The following IQCM variants were observed in gnomAD, a reference collection of about 807,000 sequenced individuals.
IQCM encodes the protein IQ domain-containing protein M.
Under a neutral mutation model 57.6 loss-of-function variants are expected in IQCM, and 45 were observed. The observed-to-expected ratio is 0.78, with a 90% confidence interval of 0.62 to 1.00. The LOEUF is 1.00. IQCM is among the 50% of genes least tolerant of loss of function. IQCM has a pLI of 0.00. For synonymous variants in IQCM, 148 were observed against 158.9 expected (o/e 0.93, Z 0.51); for missense variants, 468 against 511.6 (o/e 0.91, Z 0.82).
At chr4:149,515,429 A>C (rs901889251) in intron 12 of IQCM, among the ~76,000 whole-genome samples, 9 of 152,138 alleles carry the variant, frequency 5.9e-5, no homozygotes, top group African/African-American at 2.2e-4. Context: ...TTACATGAGG[A>C]AGTGGCTCAA....
intron 11 of IQCM, among the ~76,000 whole-genome samples, chr4:149,550,365 T>C (rs1342598567): frequency 6.6e-6 from 1 of 152,214 alleles, no homozygotes; most frequent in East Asian, 1.9e-4. Flanking sequence ...AGCAAATTAG[T>C]TGTACTTGAA....
intron 2 of IQCM, among the ~76,000 whole-genome samples, chr4:149,745,678 A>G (rs2149919189): frequency 6.6e-6 from 1 of 152,316 alleles, no homozygotes; most frequent in African/African-American, 2.4e-5. Context: ...TAGATGACTG[A>G]TAAGACTTTA....
intron 6 of IQCM, 128 bp downstream of exon 6, chr4:149,686,250 A>G (rs1762539498): frequency 4.8e-6 from 2 of 416,348 alleles, no homozygotes; most frequent in Admixed American, 4.5e-5. Flanking sequence ...ACTCAAGCGG[A>G]ACAATAAATT....
chr4:149,729,461 GTTTT>G (rs34484810), intron 5 of IQCM, among the ~76,000 whole-genome samples: 1 of 144,570 alleles, frequency 6.9e-6, no homozygotes, highest in Non-Finnish European at 1.6e-5. Flanking sequence ...TTTTTTTGTT[GTTTT>G]TTTTTTTGTT....
At chr4:149,622,292 G>A (rs752505406) in intron 7 of IQCM, among the ~76,000 whole-genome samples, 1 of 151,560 alleles carries the variant, frequency 6.6e-6, no homozygotes, top group Non-Finnish European at 1.5e-5. Context: ...TCTAGAAGAG[G>A]CAACACAATC....
intron 2 of IQCM, among the ~76,000 whole-genome samples, chr4:149,805,209 G>A (rs1215280036): frequency 6.6e-6 from 1 of 151,972 alleles, no homozygotes; most frequent in African/African-American, 2.4e-5. Flanking sequence ...CTCTTGCTAT[G>A]TAGTTTTTAA....
intron 9 of IQCM, among the ~76,000 whole-genome samples, chr4:149,573,358 C>G (rs1381660632): frequency 6.6e-6 from 1 of 151,656 alleles, no homozygotes; most frequent in African/African-American, 2.4e-5. Context: ...CCAAGGAACT[C>G]CTCTTCAAGA....
At chr4:149,414,336 A>T (rs927112350) in intron 13 of IQCM, among the ~76,000 whole-genome samples, 2 of 152,158 alleles carry the variant, frequency 1.3e-5, no homozygotes, top group African/African-American at 4.8e-5. Context: ...CCCAAAACCG[A>T]TGCCTCAAAT....
chr4:149,419,803 C>T (rs750930207), intron 13 of IQCM, among the ~76,000 whole-genome samples: 1 of 151,818 alleles, frequency 6.6e-6, no homozygotes, highest in Admixed American at 6.6e-5. Context: ...AAGGAAAAAA[C>T]AAAAAACCCT....
intron 13 of IQCM, among the ~76,000 whole-genome samples, chr4:149,374,063 C>T (rs1159883363): frequency 6.6e-6 from 1 of 152,146 alleles, no homozygotes; most frequent in Non-Finnish European, 1.5e-5. Flanking sequence ...GCAGCAATGG[C>T]ATCTTCTTGA....
At chr4:149,473,041 A>T (rs1739760060) in intron 12 of IQCM, among the ~76,000 whole-genome samples, 1 of 152,336 alleles carries the variant, frequency 6.6e-6, no homozygotes, top group South Asian at 2.1e-4. Context: ...CCTACGCAAT[A>T]CCATTCAGCA....
intron 8 of IQCM, among the ~76,000 whole-genome samples, chr4:149,598,564 T>C (rs889643287): frequency 6.6e-6 from 1 of 152,074 alleles, no homozygotes; most frequent in Non-Finnish European, 1.5e-5. Flanking sequence ...AAGAAATGCA[T>C]TTAAATACAT....
At position 149,386,684 on chromosome 4, in the gene IQCM, G is replaced by A. The variant is rs185138303; in HGVS notation, c.1391-34618C>T. Among the ~76,000 whole-genome samples, 319 of 152,068 alleles carry A rather than the reference G, an allele frequency of 2.1e-3. 4 individuals carry two copies. The highest frequency in any genetic ancestry group is 7.4e-3 in the African/African-American group (308 of 41,524). On this transcript the variant is annotated intron_variant, in intron 13 of 13. Coordinates refer to ENST00000636793, the MANE Select transcript of IQCM (RefSeq NM_001363507.2). ...AGGTCCACACAGTGTGTTTGGTTAT[G>A]TCTTCTAAGTCTCTTAATCTGAACT...
intron 12 of IQCM, among the ~76,000 whole-genome samples, chr4:149,435,127 C>G (rs536273270): frequency 6.6e-6 from 1 of 152,142 alleles, no homozygotes; most frequent in South Asian, 2.1e-4. Context: ...GTTATTTTAC[C>G]CCTTAGTAGA....
intron 7 of IQCM, among the ~76,000 whole-genome samples, chr4:149,680,013 A>C (rs538609299): frequency 6.6e-6 from 1 of 151,468 alleles, no homozygotes; most frequent in Non-Finnish European, 1.5e-5. Flanking sequence ...TACACAAAAT[A>C]AGTTGGTGGC....
chr4:149,548,970 T>C (rs533972176), intron 11 of IQCM, among the ~76,000 whole-genome samples: 1 of 152,328 alleles, frequency 6.6e-6, no homozygotes, highest in Non-Finnish European at 1.5e-5. Context: ...TTTTCATCTG[T>C]TGTTGGCTTT....
At chr4:149,468,029 A>G (rs1159537381) in intron 12 of IQCM, among the ~76,000 whole-genome samples, 1 of 152,158 alleles carries the variant, frequency 6.6e-6, no homozygotes. Flanking sequence ...GGAGGCTCCA[A>G]GATGGCCGAA....
At chr4:149,488,029 G>A (rs531712995) in intron 12 of IQCM, among the ~76,000 whole-genome samples, 29 of 152,156 alleles carry the variant, frequency 1.9e-4, no homozygotes, top group Middle Eastern at 3.4e-3. Context: ...CTGCCATCTT[G>A]CTCTGCCCAT....
chr4:149,794,326 T>G (rs905538152), intron 2 of IQCM, among the ~76,000 whole-genome samples: 1 of 152,224 alleles, frequency 6.6e-6, no homozygotes. Flanking sequence ...CTAAATAATT[T>G]GAATAATTTT....
Sources: allele counts gnomAD v4.1 joint callset (sites outside exome capture counted in the v4.1 genomes callset), GRCh38; gene constraint gnomAD v4.1.1; transcripts MANE v1.5; gene names NCBI Gene and HGNC (gene_info 2026-07-23, HGNC 2026-07-21).